ZNF605: variants seen among roughly 807,000 people sequenced by gnomAD.
ZNF605 encodes zinc finger protein 605.
In ZNF605, 9 loss-of-function variants were observed where a neutral mutation model predicts 7.9. The ratio of observed to expected loss-of-function variants is 1.14; its 90% CI spans 0.68 to 1.98. The LOEUF is 1.98. Among genes scored for constraint, ZNF605 ranks in the 30% most tolerant of loss-of-function variants. The probability of loss-of-function intolerance (pLI) is 0.00; values close to 1 mark genes in which losing one functional copy is unlikely to be tolerated. For synonymous variants in ZNF605, 255 were observed against 260.1 expected, an observed-to-expected ratio of 0.98 and a Z score of 0.19; for missense variants, 673 against 762.4, an observed-to-expected ratio of 0.88 and a Z score of 1.38.
chr12:132,919,232 TATTA>T lies in ZNF605; in HGVS notation c.*6137_*6140del, dbSNP rs1291681114. 2 of 152,108 alleles carry T rather than the reference TATTA, an allele frequency of 1.3e-5. No individual in the cohort carries two copies. Among genetic ancestry groups the T allele is most frequent in the Non-Finnish European group, 2.9e-5 (2 of 68,032 alleles). The allele number at this position is 152,108 out of a possible 1,614,324, so 9.4% of individuals were successfully genotyped here. On this transcript the variant is annotated 3_prime_UTR_variant, in exon 5 of 5. Coordinates refer to ENST00000360187, the MANE Select transcript of ZNF605 (RefSeq NM_183238.4). Reference sequence around the variant, plus strand: ...TAGTGATAGGAATGCTTACTTGCTTTATTAATTATTTTTGTGGAGAACAAAGTGC... The same window carrying T: ...TAGTGATAGGAATGCTTACTTGCTTTATTATTTTTGTGGAGAACAAAGTGC...
intron 3 of ZNF605, among the ~76,000 whole-genome samples, chr12:132,940,534 G>A (rs1034336816): frequency 4.7e-4 from 71 of 151,246 alleles, no homozygotes; most frequent in South Asian, 4.2e-4. Context: ...TGTTGATGCT[G>A]ATGTCCCATC....
At chr12:132,952,370 AGAATCACTG>A (rs1275793531) in intron 1 of ZNF605, among the ~76,000 whole-genome samples, 1 of 151,248 alleles carries the variant, frequency 6.6e-6, no homozygotes, top group African/African-American at 2.4e-5. Flanking sequence ...TTGAGGCGGA[AGAATCACTG>A]GAACCCAGGA....
At chr12:132,932,636 CT>C (rs1195330387) in intron 4 of ZNF605, 23 of 942,524 alleles carry the variant, frequency 2.4e-5, no homozygotes, top group Non-Finnish European at 3.3e-5. Flanking sequence ...ATAAACAACA[CT>C]TTAAAAGTGC....
Position 132,945,671 on chromosome 12 carries a change from C to T in ZNF605, c.-36G>A. 6.2e-7 allele frequency: 1 copy of T among 1,614,260 alleles called. No individual in the cohort carries two copies. ...TCTTGGGAAATCTGCTGTTTTGTGACTTCTCTTAGTCCTGACACCCTGGAG... is the reference window on the plus strand; with the variant it reads ...TCTTGGGAAATCTGCTGTTTTGTGATTTCTCTTAGTCCTGACACCCTGGAG... On this transcript the variant is annotated 5_prime_UTR_variant, in exon 3 of 5. Transcript: ENST00000360187.
intron 3 of ZNF605, among the ~76,000 whole-genome samples, chr12:132,936,522 T>C (rs984134738): frequency 6.6e-6 from 1 of 152,234 alleles, no homozygotes; most frequent in Admixed American, 6.5e-5. Flanking sequence ...CAGGATGGCA[T>C]TTGTGAAAGG....
chr12:132,945,775 G>T lies in ZNF605; in HGVS notation c.-140C>A. 6.3e-6 allele frequency: 8 copies of T among 1,266,240 alleles called. No homozygotes were observed. The highest frequency in any genetic ancestry group is 8.1e-6 in the Non-Finnish European group (7 of 866,050). 78.4% of individuals were successfully genotyped at this position (1,266,240 alleles called of 1,614,324 possible). ...TCTTCTTTCTTATCTCACATGAATTGTCTTGTTCCAGAGGGCTATTGCCTG... is the reference window on the plus strand; with the variant it reads ...TCTTCTTTCTTATCTCACATGAATTTTCTTGTTCCAGAGGGCTATTGCCTG... On this transcript the variant is annotated 5_prime_UTR_variant, in exon 3 of 5. Transcript: ENST00000360187.
chr12:132,950,052 C>G (rs911951902), intron 1 of ZNF605, among the ~76,000 whole-genome samples: 75 of 151,988 alleles, frequency 4.9e-4, no homozygotes, highest in African/African-American at 1.8e-3. Context: ...GCACAGAGGT[C>G]GGGGGCTCTA....
intron 3 of ZNF605, among the ~76,000 whole-genome samples, chr12:132,936,636 T>C (rs1952369689): frequency 6.6e-6 from 1 of 152,254 alleles, no homozygotes; most frequent in African/African-American, 2.4e-5. Context: ...CTACAGTCTT[T>C]GTGACAAATA....
At chr12:132,949,576 T>C (rs2137161585) in intron 1 of ZNF605, among the ~76,000 whole-genome samples, 1 of 152,254 alleles carries the variant, frequency 6.6e-6, no homozygotes, top group Admixed American at 6.5e-5. Flanking sequence ...CAACAGTATC[T>C]GCAGGGAGCA....
At chr12:132,950,325 T>C (rs987447189) in intron 1 of ZNF605, among the ~76,000 whole-genome samples, 31 of 152,008 alleles carry the variant, frequency 2.0e-4, no homozygotes, top group African/African-American at 6.5e-4. Flanking sequence ...TGCTCTCACA[T>C]TCACACCGAA....
In ZNF605 at chr12:132,945,722, C is replaced by T; in HGVS notation, c.-87G>A. 6.3e-7 allele frequency: 1 copy of T among 1,582,914 alleles called. No individual in the cohort carries two copies. The highest frequency in any genetic ancestry group is 1.1e-5 in the South Asian group (1 of 90,440). ...TGGCCTCTGGTCAGTGGTCTGTAAA[C>T]TGAGAATACATCCTTGGTCTTGTGG... On this transcript the variant is annotated 5_prime_UTR_variant, in exon 3 of 5. Coordinates refer to ENST00000360187, the MANE Select transcript of ZNF605 (RefSeq NM_183238.4).
At chr12:132,927,460 G>A (rs1015121745) in intron 4 of ZNF605, among the ~76,000 whole-genome samples, 29 of 152,086 alleles carry the variant, frequency 1.9e-4, no homozygotes, top group Non-Finnish European at 4.1e-4. Flanking sequence ...CTGCCTCCCA[G>A]GTTCAAGCAA....
At chr12:132,937,415 G>T (rs1014758574) in intron 3 of ZNF605, among the ~76,000 whole-genome samples, 6 of 139,596 alleles carry the variant, frequency 4.3e-5, no homozygotes, top group African/African-American at 1.6e-4. Context: ...TATATGAAAA[G>T]ATGTTCAATA....
intron 2 of ZNF605, among the ~76,000 whole-genome samples, chr12:132,946,409 G>A (rs917801264): frequency 4.6e-5 from 7 of 152,354 alleles, no homozygotes; most frequent in African/African-American, 1.4e-4. Context: ...TGGGTCTGAG[G>A]CTGAGCAGGG....
intron 1 of ZNF605, among the ~76,000 whole-genome samples, chr12:132,954,699 T>A (rs1349007907): frequency 1.3e-5 from 2 of 151,456 alleles, no homozygotes; most frequent in African/African-American, 4.9e-5. Context: ...TCTAATCCAC[T>A]CCATGCTGGA....
At chr12:132,950,461 A>G (rs1384338638) in intron 1 of ZNF605, among the ~76,000 whole-genome samples, 2 of 126,040 alleles carry the variant, frequency 1.6e-5, no homozygotes, top group Admixed American at 7.5e-5. Context: ...AGACGCACAT[A>G]CAGACACACA....
chr12:132,954,359 G>A (rs1269206534), intron 1 of ZNF605, among the ~76,000 whole-genome samples: 44 of 113,108 alleles, frequency 3.9e-4, no homozygotes, highest in Middle Eastern at 4.2e-3. Flanking sequence ...GGAGAAGGGT[G>A]GGGAGCGGGG....
intron 1 of ZNF605, among the ~76,000 whole-genome samples, chr12:132,952,317 C>T (rs1323295744): frequency 2.0e-5 from 3 of 151,592 alleles, no homozygotes; most frequent in Non-Finnish European, 2.9e-5. Context: ...AAAAATTAGC[C>T]GGGCATGGTG....
chr12:132,945,968 C>T (rs1323921334), intron 2 of ZNF605, among the ~76,000 whole-genome samples, 171 bp from the exon 3 acceptor site: 5 of 152,256 alleles, frequency 3.3e-5, no homozygotes, highest in Admixed American at 2.6e-4. Flanking sequence ...GCTACTAGCA[C>T]GTCTCCGTCG....
Sources: gnomAD v4.1 joint callset for allele counts (sites outside exome capture counted in the v4.1 genomes callset) on GRCh38, gnomAD v4.1.1 for gene constraint, MANE v1.5 for transcripts, NCBI Gene and HGNC (gene_info 2026-07-23, HGNC 2026-07-21) for gene names.